The following EIF4G3 variants were observed in gnomAD, a reference collection of about 807,000 sequenced individuals.
EIF4G3 encodes the protein eIF-4-gamma 3.
Under a neutral mutation model 186.4 loss-of-function variants are expected in EIF4G3, and 34 were observed. The observed-to-expected ratio is 0.18, with a 90% CI of 0.14 to 0.24. EIF4G3 has a LOEUF of 0.24. EIF4G3 is among the 10% of genes least tolerant of loss of function. The probability of loss-of-function intolerance (pLI) is 1.00; values close to 1 mark genes in which losing one functional copy is unlikely to be tolerated. For missense variants in EIF4G3, 1,536 were observed against 1,948.5 expected (o/e 0.79, Z 3.99); for synonymous variants, 673 against 679.5 (o/e 0.99, Z 0.15).
intron 14 of EIF4G3, among the ~76,000 whole-genome samples, chr1:20,929,170 C>A (rs2095148257): frequency 6.6e-6 from 1 of 152,154 alleles, no homozygotes; most frequent in South Asian, 2.1e-4. Flanking sequence ...CTGCCCTATT[C>A]ATTTTCCCCC....
intron 34 of EIF4G3, among the ~76,000 whole-genome samples, chr1:20,816,973 T>C (rs1240576393): frequency 6.9e-6 from 1 of 145,886 alleles, no homozygotes; most frequent in Admixed American, 7.0e-5. Flanking sequence ...AAACACGTGC[T>C]GTGTCCACTC....
At chr1:21,058,304 G>A (rs529023014) in intron 3 of EIF4G3, among the ~76,000 whole-genome samples, 4 of 152,246 alleles carry the variant, frequency 2.6e-5, no homozygotes, top group South Asian at 2.1e-4. Flanking sequence ...ATACTCTCCT[G>A]TAGTCAAGTA....
chr1:21,113,101 T>A (rs552065845), intron 2 of EIF4G3, among the ~76,000 whole-genome samples: 1 of 137,562 alleles, frequency 7.3e-6, no homozygotes, highest in African/African-American at 2.8e-5. Flanking sequence ...CAGTGAGCTA[T>A]GATTGCACCA....
intron 4 of EIF4G3, among the ~76,000 whole-genome samples, chr1:21,011,409 C>T (rs1332087393): frequency 6.6e-6 from 1 of 152,170 alleles, no homozygotes; most frequent in African/African-American, 2.4e-5. Flanking sequence ...ATATACTCTT[C>T]ATCTAGTTTC....
At chr1:21,158,592 T>C (rs1293926463) in intron 2 of EIF4G3, among the ~76,000 whole-genome samples, 1 of 152,200 alleles carries the variant, frequency 6.6e-6, no homozygotes, top group Non-Finnish European at 1.5e-5. Flanking sequence ...TATTCTGACC[T>C]GGTACACAAG....
chr1:20,860,405 G>A lies in EIF4G3; in HGVS notation c.3224C>T (p.Thr1075Ile), dbSNP rs1216546726. 3 of 1,613,830 alleles carry A rather than the reference G, an allele frequency of 1.9e-6. No homozygotes were observed. The highest frequency in any genetic ancestry group is 2.7e-5 in the African/African-American group (2 of 74,856). ...CTCACCTGGTCTTCTCTTCTCTTTG[G>A]TCATGAGTTGCTGGACCTTCCTTTG... ...EEQRKVQQLM[T>I]KEKRRPGVQR... Residue 1075 changes from threonine (T) to isoleucine (I), a missense_variant, in exon 24 of 37, where the codon ACC (threonine) becomes ATC (isoleucine). Around this residue, in one of 11 missense-constraint regions of EIF4G3, gnomAD observed 110 missense variants for 166.2 expected, o/e 0.66. Coordinates refer to ENST00000602326, the MANE Select transcript of EIF4G3 (RefSeq NM_001391906.1).
chr1:20,842,401 CTT>C (rs2068968643), intron 29 of EIF4G3, among the ~76,000 whole-genome samples: 2 of 152,174 alleles, frequency 1.3e-5, no homozygotes, highest in South Asian at 2.1e-4. Flanking sequence ...GAGTTTCACT[CTT>C]GTTGCCCAGG....
Position 20,942,160 on chromosome 1 carries a change from G to C in EIF4G3, c.994C>G (p.Arg332Gly). ...PSPTTVSSVA[R>G]STIAAPTSSA... ...GAGGTGGGGGCTGCAATTGTACTTC[G>C]AGCAACAGAAGAAACAGTGGTAGGT... Residue 332 changes from arginine (R) to glycine (G), a missense_variant, in exon 14 of 37, where the codon CGA becomes GGA. This residue lies in a region of EIF4G3 where 560 missense variants were observed against 547.8 expected (regional missense o/e 1.02). Coordinates refer to ENST00000602326, the MANE Select transcript of EIF4G3 (RefSeq NM_001391906.1). The C allele has an allele frequency of 1.2e-6, 2 of 1,614,090 alleles. No homozygotes were observed. Among genetic ancestry groups the C allele is most frequent in the Non-Finnish European group, 1.7e-6 (2 of 1,180,010 alleles).
intron 4 of EIF4G3, among the ~76,000 whole-genome samples, chr1:21,034,243 T>TA (rs1312546285): frequency 6.6e-6 from 1 of 152,138 alleles, no homozygotes; most frequent in Non-Finnish European, 1.5e-5. Flanking sequence ...TACTTGAAAA[T>TA]AAAAAAGGCT....
intron 3 of EIF4G3, among the ~76,000 whole-genome samples, chr1:21,085,975 A>C (rs2095958253): frequency 6.6e-6 from 1 of 152,134 alleles, no homozygotes; most frequent in African/African-American, 2.4e-5. Flanking sequence ...TACAGGAGTA[A>C]GCCATCGCGC....
intron 1 of EIF4G3, 28 bp downstream of exon 1, chr1:21,176,685 CCGGACCCGG>C: frequency 1.7e-6 from 1 of 592,544 alleles, no homozygotes; most frequent in Non-Finnish European, 3.0e-6. Flanking sequence ...AGGGGGGGGG[CCGGACCCGG>C]CGGGGGCAGG....
At chr1:21,160,437 G>C (rs1256439622) in intron 2 of EIF4G3, among the ~76,000 whole-genome samples, 1 of 152,168 alleles carries the variant, frequency 6.6e-6, no homozygotes, top group Non-Finnish European at 1.5e-5. Flanking sequence ...CAAAGTTTGA[G>C]AAGATTCTAA....
Position 21,062,584 on chromosome 1 carries a change from C to G in EIF4G3, c.-195-11590G>C, listed in dbSNP as rs144123581. ...ATATCCACAGATATAGATATAGATACAGATATAGATATACCTATTTTTTTG... is the reference window on the plus strand; with the variant it reads ...ATATCCACAGATATAGATATAGATAGAGATATAGATATACCTATTTTTTTG... On this transcript the variant is annotated intron_variant, in intron 3 of 36. Transcript: ENST00000602326. Among the ~76,000 whole-genome samples the G allele has an allele frequency of 3.8e-3, 582 of 152,134 alleles. 4 individuals are homozygous for G. Among genetic ancestry groups the G allele is most frequent in the African/African-American group, 0.013 (549 of 41,490 alleles).
intron 3 of EIF4G3, among the ~76,000 whole-genome samples, chr1:21,061,733 C>T (rs904697076): frequency 1.3e-5 from 2 of 149,388 alleles, no homozygotes; most frequent in African/African-American, 4.9e-5. Flanking sequence ...TGGTTTATTT[C>T]TCTGCTTGTT....
Position 21,111,651 on chromosome 1 carries a change from T to C in EIF4G3, c.-271-22438A>G, listed in dbSNP as rs1036942649. On this transcript the variant is annotated intron_variant, in intron 2 of 36. Transcript: ENST00000602326. Reference sequence around the variant, plus strand: ...CGTGGGAGCATGTGAGATAGATATATACATATCATGACATACAAAAAAGAA... The same window carrying C: ...CGTGGGAGCATGTGAGATAGATATACACATATCATGACATACAAAAAAGAA... The C allele has an allele frequency of 4.8e-5, 9 of 188,872 alleles. No individual in the cohort carries two copies. The South Asian group carries it at 7.7e-4, about 16-fold the overall frequency. 11.7% of individuals were successfully genotyped at this position (188,872 alleles called of 1,614,324 possible). A position where few individuals can be genotyped will look rare whatever the true frequency, so the allele number is the denominator to read the frequency against.
chr1:21,030,857 A>G (rs1350142784), intron 4 of EIF4G3, among the ~76,000 whole-genome samples: 1 of 151,986 alleles, frequency 6.6e-6, no homozygotes, highest in Non-Finnish European at 1.5e-5. Context: ...ATATGTGTCT[A>G]TATACAGTTG....
chr1:21,001,464 G>C (rs1190845145), intron 5 of EIF4G3, among the ~76,000 whole-genome samples, 152 bp from the exon 6 acceptor site: 2 of 152,196 alleles, frequency 1.3e-5, no homozygotes, highest in African/African-American at 4.8e-5. Flanking sequence ...TGCAATAGGA[G>C]CTTACCATAA....
chr1:21,068,887 C>A (rs139468650), intron 3 of EIF4G3, among the ~76,000 whole-genome samples: 3 of 152,206 alleles, frequency 2.0e-5, no homozygotes, highest in Non-Finnish European at 2.9e-5. Flanking sequence ...CAGTTCAGCA[C>A]CCCCAATCTG....
At chr1:21,136,558 T>C (rs2097251050) in intron 2 of EIF4G3, among the ~76,000 whole-genome samples, 1 of 151,950 alleles carries the variant, frequency 6.6e-6, no homozygotes, top group African/African-American at 2.4e-5. Context: ...CCATACTCCC[T>C]TGCCTTAACT....
Sources: gnomAD v4.1 joint callset for allele counts (sites outside exome capture counted in the v4.1 genomes callset) on GRCh38, gnomAD v4.1.1 for gene constraint, gnomAD v4.1.1 regional missense constraint, MANE v1.5 for transcripts, NCBI Gene and HGNC (gene_info 2026-07-23, HGNC 2026-07-21) for gene names.